RAD51B: variants seen among roughly 807,000 people sequenced by gnomAD.
RAD51B encodes the protein RAD51 paralog B.
In RAD51B, 38 loss-of-function variants were observed where a neutral mutation model predicts 42.2. The ratio of observed to expected loss-of-function variants is 0.90; its 90% CI spans 0.70 to 1.18. The LOEUF is 1.18. Ranked by LOEUF, RAD51B falls within the 50% of genes most tolerant of loss-of-function variation. The probability of loss-of-function intolerance (pLI) is 0.00; values close to 1 mark genes in which losing one functional copy is unlikely to be tolerated. For missense variants in RAD51B, 373 were observed against 400.7 expected (o/e 0.93, Z 0.59); for synonymous variants, 154 against 145.2 (o/e 1.06, Z -0.43).
chr14:68,410,832 G>A (rs2084396093), intron 8 of RAD51B, among the ~76,000 whole-genome samples: 1 of 152,174 alleles, frequency 6.6e-6, no homozygotes, highest in Admixed American at 6.5e-5. Flanking sequence ...CTTCCTTATA[G>A]GAAAGTCTTA....
chr14:68,472,560 C>G (rs1003450343), intron 10 of RAD51B, among the ~76,000 whole-genome samples: 1 of 152,180 alleles, frequency 6.6e-6, no homozygotes, highest in Admixed American at 6.5e-5. Flanking sequence ...AAAGAAAAGC[C>G]AGGTTGTTTG....
chr14:68,078,252 C>T (rs1290900655), intron 7 of RAD51B, among the ~76,000 whole-genome samples: 1 of 152,156 alleles, frequency 6.6e-6, no homozygotes, highest in African/African-American at 2.4e-5. Flanking sequence ...GGCCTCAAGT[C>T]ATCCTTTTGC....
chr14:68,416,117 G>A (rs1288752291), intron 9 of RAD51B, among the ~76,000 whole-genome samples: 2 of 152,174 alleles, frequency 1.3e-5, no homozygotes, highest in Admixed American at 1.3e-4. Context: ...TCAAGCTGCT[G>A]ATCCACACTT....
intron 7 of RAD51B, among the ~76,000 whole-genome samples, chr14:67,937,281 T>G (rs2140171350): frequency 6.6e-6 from 1 of 152,334 alleles, no homozygotes; most frequent in South Asian, 2.1e-4. Flanking sequence ...ACACACCTTC[T>G]TCCTGTCTTT....
At chr14:68,485,956 G>A (rs1346209135) in intron 10 of RAD51B, among the ~76,000 whole-genome samples, 1 of 152,174 alleles carries the variant, frequency 6.6e-6, no homozygotes, top group East Asian at 1.9e-4. Context: ...TCAACCAGAG[G>A]ATTAGGGGGA....
At chr14:68,296,074 A>C (rs2139674610) in intron 8 of RAD51B, among the ~76,000 whole-genome samples, 1 of 152,274 alleles carries the variant, frequency 6.6e-6, no homozygotes, top group Non-Finnish European at 1.5e-5. Context: ...AAGATTTCTG[A>C]AGGTCCTTTT....
intron 7 of RAD51B, among the ~76,000 whole-genome samples, chr14:67,914,014 G>A (rs940828646): frequency 1.5e-4 from 23 of 150,022 alleles, no homozygotes; most frequent in South Asian, 6.3e-4. Context: ...ATGGGGCCTC[G>A]CTCTTTCACC....
intron 10 of RAD51B, among the ~76,000 whole-genome samples, chr14:68,637,542 T>C (rs1245625090): frequency 1.3e-5 from 2 of 152,018 alleles, no homozygotes; most frequent in African/African-American, 2.4e-5. Context: ...CCCCTAGTAA[T>C]GGGGAGACGG....
chr14:68,099,847 CAGA>C (rs879606501), intron 7 of RAD51B, among the ~76,000 whole-genome samples: 17 of 152,126 alleles, frequency 1.1e-4, no homozygotes, highest in Non-Finnish European at 2.4e-4. Context: ...CCCAGTCGAG[CAGA>C]AGAGTTTTTG....
At chr14:68,472,365 G>A (rs1315449012) in intron 10 of RAD51B, among the ~76,000 whole-genome samples, 1 of 152,190 alleles carries the variant, frequency 6.6e-6, no homozygotes, top group Non-Finnish European at 1.5e-5. Context: ...GCTGCAGGAG[G>A]CCTAGAGGAA....
chr14:68,499,775 C>G (rs545579165), intron 10 of RAD51B, among the ~76,000 whole-genome samples: 1 of 152,074 alleles, frequency 6.6e-6, no homozygotes, highest in Non-Finnish European at 1.5e-5. Flanking sequence ...CTGGAGCCAC[C>G]GGAATCTGGA....
At chr14:68,614,541 A>T (rs1456614729), downstream of RAD51B, among the ~76,000 whole-genome samples, 1 of 152,204 alleles carries the variant, frequency 6.6e-6, no homozygotes, top group Non-Finnish European at 1.5e-5. Flanking sequence ...TTCCTCTGGC[A>T]ACCACTATTC....
At chr14:68,097,873 G>C (rs1371270916) in intron 7 of RAD51B, among the ~76,000 whole-genome samples, 1 of 152,106 alleles carries the variant, frequency 6.6e-6, no homozygotes, top group Non-Finnish European at 1.5e-5. Flanking sequence ...TAAGTTCCCT[G>C]CATCTTTCTG....
chr14:68,193,234 A>G (rs954222775), intron 7 of RAD51B, among the ~76,000 whole-genome samples: 5 of 152,150 alleles, frequency 3.3e-5, no homozygotes, highest in African/African-American at 1.2e-4. Flanking sequence ...ACATCCTTCA[A>G]GACAACACTC....
At chr14:68,527,713 A>T (rs777792836) in intron 10 of RAD51B, among the ~76,000 whole-genome samples, 1 of 152,260 alleles carries the variant, frequency 6.6e-6, no homozygotes, top group Non-Finnish European at 1.5e-5. Context: ...AGCACATCAG[A>T]TGTACAATAT....
chr14:68,350,521 T>C (rs2082764532), intron 8 of RAD51B, among the ~76,000 whole-genome samples: 1 of 152,252 alleles, frequency 6.6e-6, no homozygotes, highest in African/African-American at 2.4e-5. Flanking sequence ...AGCATCTTTC[T>C]TCAGAGTGCC....
chr14:68,459,616 G>A (rs1264644795), intron 9 of RAD51B, among the ~76,000 whole-genome samples: 1 of 152,278 alleles, frequency 6.6e-6, no homozygotes, highest in East Asian at 1.9e-4. Context: ...CAACGACCAC[G>A]TAATCTTGCT....
chr14:68,006,819 A>T (rs2075599580), intron 7 of RAD51B, among the ~76,000 whole-genome samples: 1 of 152,162 alleles, frequency 6.6e-6, no homozygotes, highest in South Asian at 2.1e-4. Flanking sequence ...CTGATGATAG[A>T]GTATTAACTT....
intron 8 of RAD51B, among the ~76,000 whole-genome samples, chr14:68,293,568 C>T (rs535637198): frequency 6.2e-4 from 95 of 152,246 alleles, no homozygotes; most frequent in Admixed American, 2.9e-3. Flanking sequence ...TGGCCTGCCC[C>T]TCCCCACTCC....
Sources: gnomAD v4.1 joint callset for allele counts (sites outside exome capture counted in the v4.1 genomes callset) on GRCh38, gnomAD v4.1.1 for gene constraint, MANE v1.5 for transcripts, NCBI Gene and HGNC (gene_info 2026-07-23, HGNC 2026-07-21) for gene names.